Variants in RIMS2 observed in about 807,000 individuals in gnomAD.
The protein encoded by RIMS2 is regulating synaptic membrane exocytosis protein 2.
Under a neutral mutation model 174.4 loss-of-function variants are expected in RIMS2, and 59 were observed. The observed-to-expected ratio is 0.34, with a 90% CI of 0.27 to 0.42. The LOEUF (loss-of-function observed/expected upper bound fraction) is 0.42. Ranked by LOEUF, RIMS2 falls within the 10% of genes least tolerant of loss-of-function variation. The pLI is 1.00. For missense variants in RIMS2, 1,620 were observed against 1,666.3 expected (o/e 0.97, Z 0.48); for synonymous variants, 606 against 572.5 (o/e 1.06, Z -0.84).
chr8:104,196,619 G>C lies in RIMS2; in HGVS notation c.3335-48297G>C, dbSNP rs948184290. ...ATTTCTAGAAATATGTTTGATGATAGTACAGTTTTTCACTGTGGTACAGGA... is the reference window on the plus strand; with the variant it reads ...ATTTCTAGAAATATGTTTGATGATACTACAGTTTTTCACTGTGGTACAGGA... On this transcript the variant is annotated intron_variant, in intron 19 of 23. Transcript: ENST00000504942. Among the ~76,000 whole-genome samples, 8 of 152,162 alleles carry C rather than the reference G, an allele frequency of 5.3e-5. No individual in the cohort carries two copies. In the South Asian group the frequency reaches 1.4e-3, roughly 28 times the overall value.
At chr8:103,652,961 T>G (rs1174186128) in intron 1 of RIMS2, among the ~76,000 whole-genome samples, 1 of 152,188 alleles carries the variant, frequency 6.6e-6, no homozygotes, top group Admixed American at 6.5e-5. Flanking sequence ...CCATACTTAT[T>G]CAGTAAAACA....
intron 19 of RIMS2, among the ~76,000 whole-genome samples, chr8:104,092,746 TG>T (rs914063910): frequency 1.3e-5 from 2 of 151,964 alleles, no homozygotes; most frequent in African/African-American, 4.8e-5. Context: ...AATGATTTTT[TG>T]TTGTCAAAAT....
At chr8:104,205,812 G>C (rs2099077349) in intron 19 of RIMS2, among the ~76,000 whole-genome samples, 1 of 150,766 alleles carries the variant, frequency 6.6e-6, no homozygotes. Flanking sequence ...CTGGAGTGCT[G>C]TGACATGATC....
At chr8:104,138,276 A>G (rs890312019) in intron 19 of RIMS2, among the ~76,000 whole-genome samples, 21 of 152,124 alleles carry the variant, frequency 1.4e-4, no homozygotes, top group Non-Finnish European at 2.4e-4. Context: ...TATCTCTTCA[A>G]TTTGGGTGTA....
At chr8:104,223,892 C>T in intron 19 of RIMS2, 2 of 926,918 alleles carry the variant, frequency 2.2e-6, no homozygotes, top group Non-Finnish European at 1.6e-6. Context: ...GTAGCAGTGT[C>T]CCAGCCCCTC....
chr8:103,594,404 G>C (rs2094402495), intron 1 of RIMS2, among the ~76,000 whole-genome samples: 1 of 151,560 alleles, frequency 6.6e-6, no homozygotes, highest in Admixed American at 6.6e-5. Context: ...TAATGGCTAT[G>C]AGTTCCTTGT....
chr8:103,902,671 G>T (rs1303259997), intron 4 of RIMS2, among the ~76,000 whole-genome samples: 2 of 152,132 alleles, frequency 1.3e-5, no homozygotes, highest in East Asian at 3.9e-4. Context: ...GAGAGGAAAT[G>T]ACCCTCCAGG....
At chr8:103,989,908 C>T (rs1174970801) in intron 17 of RIMS2, among the ~76,000 whole-genome samples, 1 of 152,086 alleles carries the variant, frequency 6.6e-6, no homozygotes. Flanking sequence ...GAGGTTTTTC[C>T]TCATGGCTTT....
At chr8:103,826,510 A>G (rs2098791844) in intron 3 of RIMS2, among the ~76,000 whole-genome samples, 1 of 151,800 alleles carries the variant, frequency 6.6e-6, no homozygotes, top group South Asian at 2.1e-4. Flanking sequence ...CATTGGATGG[A>G]TTTATCACAT....
At chr8:104,051,554 CA>C (rs963023184) in intron 19 of RIMS2, among the ~76,000 whole-genome samples, 1 of 149,692 alleles carries the variant, frequency 6.7e-6, no homozygotes, top group Non-Finnish European at 1.5e-5. Flanking sequence ...GAAATATTAC[CA>C]AAAAAAATGG....
At chr8:103,829,534 G>A (rs1324337914) in intron 3 of RIMS2, among the ~76,000 whole-genome samples, 1 of 152,158 alleles carries the variant, frequency 6.6e-6, no homozygotes, top group African/African-American at 2.4e-5. Flanking sequence ...GCCATAGAAA[G>A]TATGACATTA....
At chr8:104,129,601 G>A (rs1365205138) in intron 19 of RIMS2, among the ~76,000 whole-genome samples, 1 of 152,176 alleles carries the variant, frequency 6.6e-6, no homozygotes, top group East Asian at 1.9e-4. Flanking sequence ...TTCATCATCA[G>A]ACAACAGCTT....
chr8:104,096,171 T>G (rs890222368), intron 19 of RIMS2, among the ~76,000 whole-genome samples: 4 of 152,002 alleles, frequency 2.6e-5, no homozygotes, highest in African/African-American at 9.7e-5. Context: ...GAAAGATACA[T>G]AGAGTTTCCT....
chr8:104,185,340 G>A, intron 19 of RIMS2, among the ~76,000 whole-genome samples: 1 of 151,610 alleles, frequency 6.6e-6, no homozygotes, highest in South Asian at 2.1e-4. Flanking sequence ...TTTCAAAGCT[G>A]TCAAATAATG....
At chr8:103,654,498 A>G (rs1165794307) in intron 1 of RIMS2, among the ~76,000 whole-genome samples, 1 of 151,946 alleles carries the variant, frequency 6.6e-6, no homozygotes, top group Non-Finnish European at 1.5e-5. Flanking sequence ...TCTGTGATTT[A>G]TGTAGTTTTA....
intron 3 of RIMS2, among the ~76,000 whole-genome samples, chr8:103,797,170 A>T (rs952070913): frequency 9.9e-5 from 15 of 152,084 alleles, no homozygotes; most frequent in African/African-American, 3.6e-4. Context: ...TATCGGCCTA[A>T]ATCTTACCTT....
At chr8:103,868,168 G>A (rs376036308) in intron 3 of RIMS2, among the ~76,000 whole-genome samples, 1 of 151,782 alleles carries the variant, frequency 6.6e-6, no homozygotes, top group East Asian at 1.9e-4. Context: ...AGTCTTGGTT[G>A]GATACGTATA....
intron 1 of RIMS2, among the ~76,000 whole-genome samples, chr8:103,516,786 T>C (rs1009859042): frequency 6.6e-6 from 1 of 151,166 alleles, no homozygotes; most frequent in Non-Finnish European, 1.5e-5. Flanking sequence ...AAAGTAATAA[T>C]TGGACTACCT....
intron 1 of RIMS2, among the ~76,000 whole-genome samples, chr8:103,619,977 T>A (rs1400938156): frequency 6.6e-6 from 1 of 152,152 alleles, no homozygotes; most frequent in Non-Finnish European, 1.5e-5. Context: ...CATCTATAAA[T>A]GGACTTATTT....
Sources: allele counts gnomAD v4.1 joint callset (sites outside exome capture counted in the v4.1 genomes callset), GRCh38; gene constraint gnomAD v4.1.1; transcripts MANE v1.5; gene names NCBI Gene and HGNC (gene_info 2026-07-23, HGNC 2026-07-21).